SEMA3F: variants seen among roughly 807,000 people sequenced by gnomAD.
SEMA3F encodes semaphorin-3F.
A neutral mutation model predicts 98.5 loss-of-function variants in SEMA3F; 30 were observed. The observed-to-expected ratio is 0.30, with a 90% confidence interval of 0.23 to 0.41. The LOEUF is 0.41. Ranked by LOEUF, SEMA3F falls within the 10% of genes least tolerant of loss-of-function variation. The probability of loss-of-function intolerance (pLI) is 1.00; values close to 1 mark genes in which losing one functional copy is unlikely to be tolerated. For missense variants in SEMA3F, 866 were observed against 1,119.3 expected (o/e 0.77, Z 3.23); for synonymous variants, 380 against 444.8 (o/e 0.85, Z 1.83).
In SEMA3F at chr3:50,173,642, G is replaced by A. The variant is rs114122736; in HGVS notation, c.113-151G>A. On this transcript the variant is annotated intron_variant, in intron 2 of 18. Transcript: ENST00000002829. ...GGGCAACAGAGTGAGACTTGATCTC[G>A]TAAAAAGAAAAAAAGAAAGAAAGAA... 1.0e-3 allele frequency: 682 copies of A among 664,358 alleles called. 3 individuals carry two copies. In the African/African-American group the frequency reaches 0.011, roughly 11 times the overall value. 41.2% of individuals were successfully genotyped at this position (664,358 alleles called of 1,614,324 possible). A position where few individuals can be genotyped will look rare whatever the true frequency, so the allele number is the denominator to read the frequency against.
In SEMA3F at chr3:50,176,762, T is replaced by G; in HGVS notation, c.550-6T>G. 6.2e-7 allele frequency: 1 copy of G among 1,608,204 alleles called. No homozygotes were observed. ...GGACGATGCTGAGCCCCGCTCTGCC[T>G]TACAGGATTACATCTTCTACCTGGA... is the stretch of plus-strand genomic sequence containing the variant. On this transcript the variant is annotated splice_region_variant and splice_polypyrimidine_tract_variant and intron_variant, in intron 6 of 18. Coordinates refer to ENST00000002829, the MANE Select transcript of SEMA3F (RefSeq NM_004186.5).
At chr3:50,170,792 TC>T (rs1698570594) in intron 2 of SEMA3F, among the ~76,000 whole-genome samples, 1 of 151,268 alleles carries the variant, frequency 6.6e-6, no homozygotes, top group Admixed American at 6.6e-5. Flanking sequence ...CTCCTGGGGC[TC>T]CCCCTCCCCC....
intron 2 of SEMA3F, among the ~76,000 whole-genome samples, chr3:50,167,631 C>T (rs1042252919): frequency 6.7e-6 from 1 of 148,830 alleles, no homozygotes; most frequent in Non-Finnish European, 1.5e-5. Context: ...CAGCTGGGCT[C>T]TTTACCCCTG....
intron 5 of SEMA3F, 22 bp from the exon 6 acceptor site, chr3:50,175,074 C>T (rs749127108): frequency 1.4e-6 from 2 of 1,420,434 alleles, no homozygotes; most frequent in Admixed American, 1.7e-5. Context: ...CCAGCTCTAA[C>T]CCCTGTTCCT....
At chr3:50,181,858 G>T (rs1699029663) in intron 7 of SEMA3F, among the ~76,000 whole-genome samples, 1 of 152,174 alleles carries the variant, frequency 6.6e-6, no homozygotes, top group Non-Finnish European at 1.5e-5. Context: ...GCCCTCAAAT[G>T]ATCCACCCAC....
chr3:50,174,892 G>A (rs1331869698), intron 5 of SEMA3F, among the ~76,000 whole-genome samples: 1 of 152,146 alleles, frequency 6.6e-6, no homozygotes, highest in Non-Finnish European at 1.5e-5. Flanking sequence ...GCATGTGTGA[G>A]AATGACTGGA....
rs1263505680 is a variant in SEMA3F, at chr3:50,174,217, C to T, written c.337-14C>T. On this transcript the variant is annotated splice_polypyrimidine_tract_variant and intron_variant, in intron 4 of 18. Coordinates refer to ENST00000002829, the MANE Select transcript of SEMA3F (RefSeq NM_004186.5). ...CTGGCCAGGGCACCTATGCAGCCTT[C>T]CCTGTGGCCCCAGGGCGAGTGTGGG... The T allele has an allele frequency of 6.2e-7, 1 of 1,613,706 alleles. No individual in the cohort carries two copies. The highest frequency in any genetic ancestry group is 2.2e-5 in the East Asian group (1 of 44,864).
At chr3:50,183,346 G>C in intron 11 of SEMA3F, 74 bp from the exon 12 acceptor site, 1 of 1,604,656 alleles carries the variant, frequency 6.2e-7, no homozygotes, top group Non-Finnish European at 8.5e-7. Flanking sequence ...GGCGAGCTGT[G>C]GGGAGGGGGC....
intron 2 of SEMA3F, among the ~76,000 whole-genome samples, chr3:50,171,133 A>T (rs1363508008): frequency 6.6e-6 from 1 of 152,078 alleles, no homozygotes; most frequent in Admixed American, 6.5e-5. Context: ...ATAACTGAGC[A>T]AGGGGCTCCC....
chr3:50,169,211 G>A (rs188473274), intron 2 of SEMA3F, among the ~76,000 whole-genome samples: 8 of 152,174 alleles, frequency 5.3e-5, no homozygotes, highest in Non-Finnish European at 8.8e-5. Context: ...TTCGGGTGAG[G>A]GCTGTGGACA....
At chr3:50,155,273 C>A, upstream of SEMA3F, 1 of 324,582 alleles carries the variant, frequency 3.1e-6, no homozygotes. This position sits in a 1 kb window ranked among gnomAD's most constrained non-coding sequence, Gnocchi z 4.9. Flanking sequence ...AATGCGCCCT[C>A]GGCGCGCCGG....
intron 5 of SEMA3F, 49 bp from the exon 6 acceptor site, chr3:50,175,047 C>G: frequency 1.5e-6 from 2 of 1,357,572 alleles, no homozygotes; most frequent in Non-Finnish European, 2.1e-6. Context: ...AGCCCGCTCC[C>G]CCAGCCCCTG....
rs1241019334 is a variant in SEMA3F, at chr3:50,166,592, G to A, written c.112+6858G>A. On this transcript the variant is annotated intron_variant, in intron 2 of 18. Coordinates refer to ENST00000002829, the MANE Select transcript of SEMA3F (RefSeq NM_004186.5). This position sits in a 1 kb window ranked among gnomAD's most constrained non-coding sequence, Gnocchi z 4.7. ...CATGCACCTGTCTGCCCTGTGCCTC[G>A]GTTTCTCCATCAGAATGTTGGGGAG... Among the ~76,000 whole-genome samples the A allele has an allele frequency of 6.6e-6, 1 of 152,132 alleles. No individual in the cohort carries two copies. Among genetic ancestry groups the A allele is most frequent in the East Asian group, 1.9e-4 (1 of 5,190 alleles).
Position 50,187,847 on chromosome 3 carries a change from T to G in SEMA3F, c.2090T>G (p.Leu697Arg). Residue 697 changes from leucine (L) to arginine (R), a missense_variant, in exon 19 of 19, where the codon CTG becomes CGG. Around this residue, in one of 3 missense-constraint regions of SEMA3F, gnomAD observed 245 missense variants for 260.5 expected, o/e 0.94. Transcript: ENST00000002829. ...HVVTRVQLHV[L>R]GRDAVHAALF... is the part of the protein sequence containing the mutation. ...GTCACACGAGTGCAGCTGCATGTAC[T>G]GGGCCGGGACGCCGTCCATGCTGCC... is the stretch of plus-strand genomic sequence containing the variant. 1 of 1,613,412 alleles carries G rather than the reference T, an allele frequency of 6.2e-7. No homozygotes were observed. The highest frequency in any genetic ancestry group is 8.5e-7 in the Non-Finnish European group (1 of 1,179,982).
chr3:50,171,726 G>A (rs1239581709), intron 2 of SEMA3F, among the ~76,000 whole-genome samples: 3 of 152,072 alleles, frequency 2.0e-5, no homozygotes, highest in South Asian at 2.1e-4. Flanking sequence ...GCGGGTGAGC[G>A]GCCAGGCGGG....
In SEMA3F at chr3:50,182,375, G is replaced by C. The variant is rs751135620; in HGVS notation, c.735G>C (p.Thr245=). The change falls in exon 8 of 19, where the codon ACG becomes ACC. Residue 245 remains threonine, a synonymous_variant. Coordinates refer to ENST00000002829, the MANE Select transcript of SEMA3F (RefSeq NM_004186.5). This position sits in a 1 kb window ranked among gnomAD's most constrained non-coding sequence, Gnocchi z 4.5. ...TTGGAAAGCAGACAGCCATGCGCAC[G>C]GATCAGTACAACTCCCGGTGGCTGA... ...RTLGKQTAMR[T]DQYNSRWLND... 1 of 1,613,864 alleles carries C rather than the reference G, an allele frequency of 6.2e-7. No individual in the cohort carries two copies. The highest frequency in any genetic ancestry group is 1.7e-5 in the Admixed American group (1 of 60,008).
chr3:50,182,630 C>G lies in SEMA3F; in HGVS notation c.764-14C>G, dbSNP rs780260287. 1.2e-6 allele frequency: 2 copies of G among 1,609,282 alleles called. No individual in the cohort carries two copies. Among genetic ancestry groups the G allele is most frequent in the Non-Finnish European group, 1.7e-6 (2 of 1,176,724 alleles). ...AGAGTAGGGGCTCACCCAGCTGACC[C>G]CTGCCACCTGCAGACCCGTCGTTCA... On this transcript the variant is annotated splice_polypyrimidine_tract_variant and intron_variant, in intron 8 of 18. Transcript: ENST00000002829. The surrounding 1 kb of genome is among the most constrained non-coding windows in gnomAD (Gnocchi z 4.5).
chr3:50,186,768 T>G (rs762678468), intron 18 of SEMA3F, 22 bp downstream of exon 18: 2 of 1,575,872 alleles, frequency 1.3e-6, no homozygotes, highest in South Asian at 2.3e-5. Flanking sequence ...CGCCCGGTGC[T>G]GCACCGTGGA....
intron 2 of SEMA3F, among the ~76,000 whole-genome samples, chr3:50,165,341 T>A (rs912544859): frequency 6.6e-6 from 1 of 152,226 alleles, no homozygotes; most frequent in Non-Finnish European, 1.5e-5. Context: ...TTTTTCCTCA[T>A]GGCAGAGGTA....
Sources: allele counts gnomAD v4.1 joint callset (sites outside exome capture counted in the v4.1 genomes callset), GRCh38; gene constraint gnomAD v4.1.1; regional missense constraint gnomAD v4.1.1; non-coding constraint Gnocchi (gnomAD v3.1); transcripts MANE v1.5; gene names NCBI Gene and HGNC (gene_info 2026-07-23, HGNC 2026-07-21).